REV3L: variants seen among roughly 807,000 people sequenced by gnomAD.
REV3L encodes DNA polymerase zeta catalytic subunit.
Under a neutral mutation model 299.4 loss-of-function variants are expected in REV3L, and 69 were observed. That is an observed-to-expected ratio of 0.23 (90% CI 0.19 to 0.28). The LOEUF (loss-of-function observed/expected upper bound fraction) is 0.28, where lower values mean the gene tolerates loss of function less well. Ranked by LOEUF, REV3L falls within the 10% of genes least tolerant of loss-of-function variation. REV3L has a pLI of 1.00. For missense variants in REV3L, 3,128 were observed against 3,693.8 expected (o/e 0.85, Z 3.97); for synonymous variants, 1,238 against 1,271.4 (o/e 0.97, Z 0.56).
intron 6 of REV3L, among the ~76,000 whole-genome samples, chr6:111,389,644 A>G (rs1310913155): frequency 6.6e-6 from 1 of 151,974 alleles, no homozygotes; most frequent in Non-Finnish European, 1.5e-5. Flanking sequence ...AATCTTCATA[A>G]CATTTTGTAT....
In REV3L at chr6:111,373,704, A is replaced by C; in HGVS notation, c.4651T>G (p.Leu1551Val). Reference protein sequence around the residue: ...AQNANTTQDPLSNKHQPNKNI... With the variant: ...AQNANTTQDPVSNKHQPNKNI... ...TTATTTGGTTGATGTTTATTGGATA[A>C]TGGGTCTTGTGTAGTATTTGCATTT... Residue 1551 changes from leucine (L) to valine (V), a missense_variant, in exon 13 of 32, where the codon TTA (leucine) becomes GTA (valine). Leu to Val is a conservative substitution (Grantham distance 32). Around this residue, in one of 9 missense-constraint regions of REV3L, gnomAD observed 2,409 missense variants for 2,611.8 expected, o/e 0.92. Coordinates refer to ENST00000368802, the MANE Select transcript of REV3L (RefSeq NM_001372078.1). 1 of 1,613,904 alleles carries C rather than the reference A, an allele frequency of 6.2e-7. No individual in the cohort carries two copies. The highest frequency in any genetic ancestry group is 8.5e-7 in the Non-Finnish European group (1 of 1,179,972).
intron 13 of REV3L, among the ~76,000 whole-genome samples, chr6:111,372,097 C>T (rs889338758): frequency 6.6e-6 from 1 of 152,026 alleles, no homozygotes; most frequent in African/African-American, 2.4e-5. Flanking sequence ...ATATTGAAAC[C>T]ACATGAAAAG....
chr6:111,441,394 A>G lies in REV3L; in HGVS notation c.140-24922T>C, dbSNP rs140973574. Reference sequence around the variant, plus strand: ...CAGCCTCCCAAATGGCTGGGACTACAAGCACATATGCCACCACACCCAGCT... The same window carrying G: ...CAGCCTCCCAAATGGCTGGGACTACGAGCACATATGCCACCACACCCAGCT... On this transcript the variant is annotated intron_variant, in intron 1 of 31. Coordinates refer to ENST00000368802, the MANE Select transcript of REV3L (RefSeq NM_001372078.1). Among the ~76,000 whole-genome samples the G allele has an allele frequency of 2.4e-3, 359 of 152,106 alleles. 2 individuals carry two copies. Among genetic ancestry groups the G allele is most frequent in the East Asian group, 0.021 (107 of 5,152 alleles).
At chr6:111,354,340 T>TA (rs199574239) in intron 18 of REV3L, among the ~76,000 whole-genome samples, 3,721 of 152,094 alleles carry the variant, frequency 0.024, 60 homozygotes, top group Admixed American at 0.065. Flanking sequence ...ACACTTTTTT[T>TA]AAAAAAAATA....
chr6:111,411,625 T>A, intron 2 of REV3L, 71 bp from the exon 3 acceptor site: 1 of 1,010,236 alleles, frequency 9.9e-7, no homozygotes, highest in Non-Finnish European at 1.5e-6. Context: ...CTTATTGCCC[T>A]AATTAGATTC....
intron 1 of REV3L, among the ~76,000 whole-genome samples, chr6:111,448,059 A>G (rs903693453): frequency 6.6e-6 from 1 of 152,162 alleles, no homozygotes; most frequent in African/African-American, 2.4e-5. Context: ...TTCACCCAAG[A>G]TATGAATTTT....
intron 20 of REV3L, among the ~76,000 whole-genome samples, chr6:111,348,240 A>T (rs1039513017): frequency 1.3e-5 from 2 of 152,162 alleles, no homozygotes; most frequent in African/African-American, 4.8e-5. Context: ...GGTGTGAGCC[A>T]CCATGTATGG....
In REV3L at chr6:111,367,916, C is replaced by A. The variant is rs780404785; in HGVS notation, c.5872G>T (p.Ala1958Ser). ...GLRLWKTAFS[A>S]MTQNPRPGSP... ...CCTGGCCTTGGATTCTGAGTCATTG[C>A]TGAGAATGCTGTTTTCCAAAGACGA... The change falls in exon 14 of 32, where the codon GCA becomes TCA. Residue 1958 changes from alanine (A) to serine (S), a missense_variant. Ala to Ser is a moderately conservative substitution (Grantham distance 99, BLOSUM62 1). Transcript: ENST00000368802. 6.2e-7 allele frequency: 1 copy of A among 1,614,010 alleles called. No homozygotes were observed. Among genetic ancestry groups the A allele is most frequent in the East Asian group, 2.2e-5 (1 of 44,898 alleles).
In REV3L at chr6:111,315,380, T is replaced by C. The variant is rs754356269; in HGVS notation, c.8353A>G (p.Met2785Val). The part of the protein sequence containing the change: ...ARVVYGDTDS[M>V]FVLLKGATKE... ...GTGGCTCCTTTCAGTAGCACAAACA[T>C]ACTAAGGGGATTAAAAATAAAGTAA... Residue 2785 changes from methionine (M) to valine (V), a missense_variant and splice_region_variant, in exon 27 of 32, where the codon ATG becomes GTG. This residue lies in a region of REV3L where 37 missense variants were observed against 100.1 expected (regional missense o/e 0.37). Transcript: ENST00000368802. 1.6e-5 allele frequency: 25 copies of C among 1,610,074 alleles called. No homozygotes were observed. The African/African-American group carries it at 2.8e-4, about 18-fold the overall frequency.
chr6:111,429,580 T>C (rs1786613562), intron 1 of REV3L, among the ~76,000 whole-genome samples: 1 of 151,616 alleles, frequency 6.6e-6, no homozygotes, highest in Admixed American at 6.6e-5. Flanking sequence ...CCAAAAACAG[T>C]AATACTTATA....
At chr6:111,412,314 G>T in intron 2 of REV3L, 1 of 955,762 alleles carries the variant, frequency 1.0e-6, no homozygotes, top group Non-Finnish European at 1.2e-6. Context: ...AGGAAAGGGG[G>T]AAGCAAAAGG....
chr6:111,411,023 C>T (rs1265091345), intron 3 of REV3L, among the ~76,000 whole-genome samples: 1 of 152,058 alleles, frequency 6.6e-6, no homozygotes, highest in Non-Finnish European at 1.5e-5. Flanking sequence ...GAAAAAACAA[C>T]CAAAACCAAA....
chr6:111,478,140 C>T (rs1177231924), intron 1 of REV3L, among the ~76,000 whole-genome samples: 2 of 152,170 alleles, frequency 1.3e-5, no homozygotes, highest in Non-Finnish European at 1.5e-5. Context: ...CTTAAAAATT[C>T]CTTTAACATG....
chr6:111,332,134 C>A (rs1036732654), intron 23 of REV3L, among the ~76,000 whole-genome samples: 5 of 152,006 alleles, frequency 3.3e-5, no homozygotes, highest in Admixed American at 3.3e-4. Flanking sequence ...TGCAGTGGCG[C>A]GATCTCGGCT....
rs1236816118 is a variant in REV3L, at chr6:111,422,647, TAC to T, written c.140-6177_140-6176del. Among the ~76,000 whole-genome samples, 43 of 20,310 alleles carry T rather than the reference TAC, an allele frequency of 2.1e-3. 1 individual carries two copies. Among genetic ancestry groups the T allele is most frequent in the South Asian group, 6.3e-3 (3 of 476 alleles). The allele number at this position is 20,310 out of a possible 152,430, so 13.3% of individuals were successfully genotyped here. Reference sequence around the variant, plus strand: ...ATATATATACACATATATATATATATACATATATATATATACATATATATATA... The same window carrying T: ...ATATATATACACATATATATATATATATATATATATATACATATATATATA... On this transcript the variant is annotated intron_variant, in intron 1 of 31. Transcript: ENST00000368802.
At chr6:111,406,465 T>C (rs985172674) in intron 3 of REV3L, among the ~76,000 whole-genome samples, 3 of 152,144 alleles carry the variant, frequency 2.0e-5, no homozygotes, top group African/African-American at 4.8e-5. Flanking sequence ...AGACTAGCTA[T>C]AGAACACAGA....
Position 111,311,140 on chromosome 6 carries a change from G to A in REV3L, c.8724C>T (p.Ile2908=). 6.2e-7 allele frequency: 1 copy of A among 1,614,104 alleles called. No homozygotes were observed. The highest frequency in any genetic ancestry group is 1.6e-4 in the Middle Eastern group (1 of 6,062). ...LEGKASIQDF[I]FAKEYRGSFS... is the part of the protein sequence containing the mutation. ...AACTTCCTCTGTATTCCTTGGCAAA[G>A]ATAAAGTCTTGTATGCTGGCCTTTC... is the stretch of plus-strand genomic sequence containing the variant. The change falls in exon 29 of 32, where the codon ATC becomes ATT. Residue 2908 remains isoleucine (I), a synonymous_variant. Coordinates refer to ENST00000368802, the MANE Select transcript of REV3L (RefSeq NM_001372078.1).
chr6:111,438,053 TC>T (rs1787809921), intron 1 of REV3L, among the ~76,000 whole-genome samples: 1 of 150,814 alleles, frequency 6.6e-6, no homozygotes, highest in East Asian at 1.9e-4. Context: ...AGAGACAGGG[TC>T]TCGCTAAGTG....
intron 2 of REV3L, among the ~76,000 whole-genome samples, chr6:111,415,509 T>C (rs1784666408): frequency 6.6e-6 from 1 of 152,100 alleles, no homozygotes; most frequent in Non-Finnish European, 1.5e-5. Context: ...GAGAGGTATA[T>C]TCTCATGGCT....
Sources: gnomAD v4.1 joint callset for allele counts (sites outside exome capture counted in the v4.1 genomes callset) on GRCh38, gnomAD v4.1.1 for gene constraint, gnomAD v4.1.1 regional missense constraint, MANE v1.5 for transcripts, NCBI Gene and HGNC (gene_info 2026-07-23, HGNC 2026-07-21) for gene names.